The following RARB variants were observed in gnomAD, a reference collection of about 807,000 sequenced individuals.
The protein encoded by RARB is HBV-activated protein.
A neutral mutation model predicts 51.9 loss-of-function variants in RARB; 17 were observed. The ratio of observed to expected loss-of-function variants is 0.33; its 90% CI spans 0.22 to 0.49. RARB has a LOEUF of 0.49. Among genes scored for constraint, RARB ranks in the 20% least tolerant of loss-of-function variants. The pLI is 0.99. For synonymous variants in RARB, 215 were observed against 195.4 expected, an observed-to-expected ratio of 1.10 and a Z score of -0.84; for missense variants, 369 against 550.8, an observed-to-expected ratio of 0.67 and a Z score of 3.30.
intron 5 of RARB, among the ~76,000 whole-genome samples, chr3:25,188,684 A>G (rs1701030615): frequency 6.6e-6 from 1 of 152,110 alleles, no homozygotes; most frequent in Non-Finnish European, 1.5e-5. Context: ...TGTTGTTATT[A>G]TTACTATCTA....
At chr3:25,276,540 C>T (rs1703386660) in intron 5 of RARB, among the ~76,000 whole-genome samples, 1 of 152,140 alleles carries the variant, frequency 6.6e-6, no homozygotes, top group Non-Finnish European at 1.5e-5. Flanking sequence ...ATTTTCTCTC[C>T]CTTAGTAACT....
At chr3:25,073,272 T>A (rs1698806860) in intron 3 of RARB, among the ~76,000 whole-genome samples, 1 of 152,224 alleles carries the variant, frequency 6.6e-6, no homozygotes, top group Non-Finnish European at 1.5e-5. Flanking sequence ...GCAGTTCCGG[T>A]GTTCCCACAC....
intron 5 of RARB, among the ~76,000 whole-genome samples, chr3:25,286,490 C>T (rs946568580): frequency 6.6e-6 from 1 of 152,160 alleles, no homozygotes; most frequent in African/African-American, 2.4e-5. Context: ...TGTTTCTCCT[C>T]CTCTCCAGAC....
chr3:25,164,869 T>A (rs1222045848), intron 4 of RARB, among the ~76,000 whole-genome samples: 2 of 152,194 alleles, frequency 1.3e-5, no homozygotes, highest in South Asian at 4.1e-4. Flanking sequence ...TGTGTCTCTG[T>A]CTTGCTCTTT....
chr3:24,881,368 T>G (rs373657420), intron 2 of RARB, among the ~76,000 whole-genome samples: 52 of 152,302 alleles, frequency 3.4e-4, no homozygotes, highest in African/African-American at 1.1e-3. Context: ...ACTGCTGAAC[T>G]AAGCAATTAG....
At chr3:25,557,926 G>T (rs1021056720) in intron 3 of RARB, among the ~76,000 whole-genome samples, 2 of 152,094 alleles carry the variant, frequency 1.3e-5, no homozygotes, top group South Asian at 2.1e-4. Flanking sequence ...TCTCTTTTCT[G>T]CCTGGAAAGC....
intron 5 of RARB, among the ~76,000 whole-genome samples, chr3:25,267,550 T>C (rs1160098061): frequency 6.6e-6 from 1 of 152,224 alleles, no homozygotes; most frequent in African/African-American, 2.4e-5. Flanking sequence ...TTCAGTGTCC[T>C]CTTGTTTTTA....
At chr3:25,085,797 A>G (rs775714611) in intron 3 of RARB, among the ~76,000 whole-genome samples, 1 of 152,150 alleles carries the variant, frequency 6.6e-6, no homozygotes, top group African/African-American at 2.4e-5. Context: ...TGACTAATCT[A>G]TTGAAATAAT....
At chr3:25,539,195 A>G (rs1233969692) in intron 3 of RARB, among the ~76,000 whole-genome samples, 1 of 152,182 alleles carries the variant, frequency 6.6e-6, no homozygotes, top group Non-Finnish European at 1.5e-5. Flanking sequence ...GACCTAAGGG[A>G]AACCGCACAG....
intron 2 of RARB, among the ~76,000 whole-genome samples, chr3:25,053,076 G>C (rs1698369021): frequency 6.6e-6 from 1 of 152,136 alleles, no homozygotes; most frequent in African/African-American, 2.4e-5. Context: ...AAATTGGAAA[G>C]TATCCTTAAG....
chr3:25,225,604 T>C (rs1484998560), intron 5 of RARB, among the ~76,000 whole-genome samples: 1 of 152,090 alleles, frequency 6.6e-6, no homozygotes, highest in African/African-American at 2.4e-5. Flanking sequence ...AGGATATTGA[T>C]AGAACAGAAT....
rs116691417 is a variant in RARB at position 24,837,062 on chromosome 3, A to C, written c.-459+7659A>C. Reference sequence around the variant, plus strand: ...AAATAATATGATAATTTCAGATAGCAATATGTCCTATGAAGAAAACCTTAT... The same window carrying C: ...AAATAATATGATAATTTCAGATAGCCATATGTCCTATGAAGAAAACCTTAT... On this transcript the variant is annotated intron_variant, in intron 1 of 11. Transcript: ENST00000383772. Among the ~76,000 whole-genome samples the C allele has an allele frequency of 3.6e-3, 542 of 152,322 alleles. 3 individuals carry two copies. The highest frequency in any genetic ancestry group is 0.013 in the African/African-American group (523 of 41,572).
At chr3:25,552,124 C>T (rs181599780) in intron 3 of RARB, among the ~76,000 whole-genome samples, 28 of 152,138 alleles carry the variant, frequency 1.8e-4, no homozygotes, top group African/African-American at 4.8e-4. Context: ...TGACCACGGG[C>T]CCCTCTGTAG....
At chr3:25,495,070 C>CA (rs1477600095) in intron 2 of RARB, among the ~76,000 whole-genome samples, 36 of 152,264 alleles carry the variant, frequency 2.4e-4, no homozygotes, top group African/African-American at 8.7e-4. Context: ...AGTCACAGTT[C>CA]AAATCCACAT....
intron 2 of RARB, among the ~76,000 whole-genome samples, chr3:25,017,394 AAAG>A (rs1455230294): frequency 2.6e-5 from 4 of 151,248 alleles, no homozygotes; most frequent in Admixed American, 6.6e-5. Context: ...AAAAAAGATT[AAAG>A]AAGATTTTTC....
intron 5 of RARB, among the ~76,000 whole-genome samples, chr3:25,263,228 A>T (rs187895821): frequency 6.6e-6 from 1 of 152,172 alleles, no homozygotes; most frequent in Admixed American, 6.5e-5. Flanking sequence ...TACATATTGT[A>T]TATCACTTAT....
intron 1 of RARB, among the ~76,000 whole-genome samples, chr3:25,438,888 C>G (rs1470035399): frequency 6.6e-6 from 1 of 152,174 alleles, no homozygotes; most frequent in Non-Finnish European, 1.5e-5. Context: ...TACTATAAAC[C>G]AGTCTTTTAC....
intron 2 of RARB, among the ~76,000 whole-genome samples, chr3:24,894,862 T>C (rs946862734): frequency 1.3e-5 from 2 of 152,150 alleles, no homozygotes; most frequent in Admixed American, 1.3e-4. Flanking sequence ...CAAAATAATG[T>C]GGTAGAAGCT....
At chr3:25,086,152 A>G (rs920839079) in intron 3 of RARB, among the ~76,000 whole-genome samples, 17 of 152,192 alleles carry the variant, frequency 1.1e-4, no homozygotes, top group African/African-American at 4.1e-4. Context: ...GAAATGGTCC[A>G]TATCATATCC....
Sources: allele counts gnomAD v4.1 joint callset (sites outside exome capture counted in the v4.1 genomes callset), GRCh38; gene constraint gnomAD v4.1.1; transcripts MANE v1.5; gene names NCBI Gene and HGNC (gene_info 2026-07-23, HGNC 2026-07-21).